COL11A1: variants seen among roughly 807,000 people sequenced by gnomAD.
The protein encoded by COL11A1 is collagen alpha-1(XI) chain.
COL11A1 carries 74 observed loss-of-function variants against 265.2 expected under a neutral mutation model. The ratio of observed to expected loss-of-function variants is 0.28; its 90% CI spans 0.23 to 0.34. The LOEUF (loss-of-function observed/expected upper bound fraction) is 0.34. COL11A1 is among the 10% of genes least tolerant of loss of function. The pLI, the probability that COL11A1 is intolerant of heterozygous loss-of-function variation, is 1.00. For missense variants in COL11A1, 2,165 were observed against 2,263.6 expected (o/e 0.96, Z 0.88); for synonymous variants, 816 against 727.6 (o/e 1.12, Z -1.96).
intron 4 of COL11A1, among the ~76,000 whole-genome samples, chr1:103,058,329 T>C (rs1670395148): frequency 6.6e-6 from 1 of 152,250 alleles, no homozygotes; most frequent in South Asian, 2.1e-4. Context: ...GAGAATGTTG[T>C]GGCTGGTTTG....
At chr1:102,889,711 TAC>T in intron 58 of COL11A1, 149 bp from the exon 59 acceptor site, 1 of 665,502 alleles carries the variant, frequency 1.5e-6, no homozygotes. Context: ...GAATGAAATA[TAC>T]AGTTAAGAAT....
intron 30 of COL11A1, among the ~76,000 whole-genome samples, chr1:102,985,298 A>T (rs1663427508): frequency 6.6e-6 from 1 of 152,112 alleles, no homozygotes; most frequent in South Asian, 2.1e-4. Context: ...ATTTTACTGG[A>T]TGAAATAAGG....
chr1:102,880,139 C>A, intron 65 of COL11A1: 1 of 507,862 alleles, frequency 2.0e-6, no homozygotes. Flanking sequence ...CACTGCTTAT[C>A]TTTGAAAAAA....
At chr1:103,009,146 G>T (rs1167904006) in intron 14 of COL11A1, among the ~76,000 whole-genome samples, 1 of 152,160 alleles carries the variant, frequency 6.6e-6, no homozygotes, top group East Asian at 1.9e-4. Context: ...AGGCATGGTG[G>T]CTCACGCCTG....
Position 102,978,850 on chromosome 1 carries a change from C to T in COL11A1, c.2709+10G>A. ...CAGTAACATCCAAACAGAAAAAGTA[C>T]AGGTGATACCTTTGGCCCAGGTTTC... On this transcript the variant is annotated intron_variant, in intron 34 of 66. Coordinates refer to ENST00000370096, the MANE Select transcript of COL11A1 (RefSeq NM_001854.4). 1 of 1,614,142 alleles carries T rather than the reference C, an allele frequency of 6.2e-7. No individual in the cohort carries two copies. The highest frequency in any genetic ancestry group is 8.5e-7 in the Non-Finnish European group (1 of 1,179,994).
chr1:102,998,049 G>A (rs1376815424), intron 25 of COL11A1, among the ~76,000 whole-genome samples: 1 of 151,676 alleles, frequency 6.6e-6, no homozygotes, highest in East Asian at 1.9e-4. Context: ...GGTTAAGGAG[G>A]AAATGAAAAA....
rs766529064 is a variant in COL11A1 at position 102,878,156 on chromosome 1, C to T, written c.5284G>A (p.Gly1762Ser). 3.7e-6 allele frequency: 6 copies of T among 1,610,642 alleles called. No homozygotes were observed. In the African/African-American group the frequency reaches 6.7e-5, roughly 18 times the overall value. Residue 1762 changes from glycine (G) to serine (S), a missense_variant, in exon 67 of 67, where the codon GGC (glycine) becomes AGC (serine). Transcript: ENST00000370096. ...ATTTCAATGACAGTCTTTTCATAGC[C>T]TTTTCTGGACTGTAAAATAAAGCAG... The part of the protein sequence containing the change: ...TLYDGCASRK[G>S]YEKTVIEINT...
chr1:102,946,070 C>A (rs963032090), intron 42 of COL11A1, among the ~76,000 whole-genome samples: 1 of 137,556 alleles, frequency 7.3e-6, no homozygotes, highest in Non-Finnish European at 1.6e-5. Context: ...AGTAAACTAT[C>A]GCAAGGACAA....
intron 41 of COL11A1, among the ~76,000 whole-genome samples, chr1:102,958,977 A>G (rs565041553): frequency 1.3e-5 from 2 of 152,198 alleles, no homozygotes; most frequent in South Asian, 4.1e-4. Context: ...GCCCACATCA[A>G]ATCTTAGTCA....
At chr1:102,958,827 G>T (rs879715236) in intron 41 of COL11A1, among the ~76,000 whole-genome samples, 2 of 152,158 alleles carry the variant, frequency 1.3e-5, no homozygotes, top group African/African-American at 2.4e-5. Flanking sequence ...AAAAGTTTTT[G>T]TGTGTGAATA....
chr1:102,879,306 G>T (rs1007329007), intron 66 of COL11A1, among the ~76,000 whole-genome samples: 3 of 152,034 alleles, frequency 2.0e-5, no homozygotes, highest in African/African-American at 7.2e-5. Flanking sequence ...ATTATAAATG[G>T]TATAATGGTG....
intron 45 of COL11A1, among the ~76,000 whole-genome samples, chr1:102,934,816 T>C (rs1414488125): frequency 1.3e-5 from 2 of 152,228 alleles, no homozygotes; most frequent in Non-Finnish European, 2.9e-5. Flanking sequence ...GGAAATAATT[T>C]TCTGAATTAT....
chr1:103,055,863 G>C (rs546668913), intron 4 of COL11A1, among the ~76,000 whole-genome samples: 5 of 152,118 alleles, frequency 3.3e-5, no homozygotes, highest in Admixed American at 2.6e-4. Context: ...TCAAACGTTC[G>C]TATCTTGGGA....
chr1:102,978,812 G>A (rs149239409), intron 34 of COL11A1, 48 bp downstream of exon 34: 3 of 1,613,518 alleles, frequency 1.9e-6, no homozygotes, highest in Admixed American at 1.7e-5. Flanking sequence ...CATCTGCCTG[G>A]AAAAAAAATC....
At chr1:102,929,388 G>C (rs1657078828) in intron 46 of COL11A1, among the ~76,000 whole-genome samples, 1 of 152,058 alleles carries the variant, frequency 6.6e-6, no homozygotes, top group Admixed American at 6.6e-5. Flanking sequence ...GTTTGTCAAA[G>C]AACAGATAGT....
chr1:102,999,313 T>C (rs1664905272), intron 24 of COL11A1, among the ~76,000 whole-genome samples: 1 of 151,992 alleles, frequency 6.6e-6, no homozygotes, highest in Non-Finnish European at 1.5e-5. Flanking sequence ...AAGTAACCTT[T>C]AAATTGAAAA....
At chr1:102,896,023 G>C (rs1054586047) in intron 57 of COL11A1, among the ~76,000 whole-genome samples, 1 of 151,606 alleles carries the variant, frequency 6.6e-6, no homozygotes, top group Non-Finnish European at 1.5e-5. Context: ...TTCATTTAAT[G>C]ATTCTTGATT....
intron 20 of COL11A1, among the ~76,000 whole-genome samples, chr1:103,003,918 G>A (rs1665363216): frequency 6.6e-6 from 1 of 152,048 alleles, no homozygotes. Flanking sequence ...TCTAAAATGT[G>A]GCGCAAGGTA....
At chr1:103,005,508 T>C (rs1434771601) in intron 18 of COL11A1, among the ~76,000 whole-genome samples, 1 of 152,170 alleles carries the variant, frequency 6.6e-6, no homozygotes, top group Admixed American at 6.6e-5. Context: ...ATGAAAAGGT[T>C]GAAGGAATTA....
Sources: gnomAD v4.1 joint callset for allele counts (sites outside exome capture counted in the v4.1 genomes callset) on GRCh38, gnomAD v4.1.1 for gene constraint, MANE v1.5 for transcripts, NCBI Gene and HGNC (gene_info 2026-07-23, HGNC 2026-07-21) for gene names.